ABR: variants seen among roughly 807,000 people sequenced by gnomAD.
The protein encoded by ABR is ABR activator of RhoGEF and GTPase, also known as active breakpoint cluster region-related protein.
Under a neutral mutation model 107.2 loss-of-function variants are expected in ABR, and 35 were observed. The ratio of observed to expected loss-of-function variants is 0.33; its 90% CI spans 0.25 to 0.43. The LOEUF (loss-of-function observed/expected upper bound fraction) is 0.43, where lower values mean the gene tolerates loss of function less well. Among genes scored for constraint, ABR ranks in the 20% least tolerant of loss-of-function variants. The pLI is 1.00. For missense variants in ABR, 815 were observed against 1,115.2 expected, an observed-to-expected ratio of 0.73 and a Z score of 3.83; for synonymous variants, 498 against 462.0, an observed-to-expected ratio of 1.08 and a Z score of -1.00.
At chr17:1,229,145 G>A (rs931645562) in exon 1 of ABR, 7 of 151,554 alleles carry the variant, frequency 4.6e-5, no homozygotes, top group Non-Finnish European at 7.4e-5. Context: ...CCACCATCTC[G>A]AAGTCGTGGT....
chr17:1,182,715 G>A (rs1192272401), upstream of ABR, among the ~76,000 whole-genome samples: 1 of 152,190 alleles, frequency 6.6e-6, no homozygotes, highest in Non-Finnish European at 1.5e-5. Flanking sequence ...CCAGCTAACT[G>A]GTGATCACCG....
At chr17:1,012,410 C>T (rs955995268) in intron 18 of ABR, 4 of 672,154 alleles carry the variant, frequency 6.0e-6, no homozygotes, top group Non-Finnish European at 1.1e-5. Flanking sequence ...CAAACGTAGG[C>T]CCCCGGCTGA....
At chr17:1,032,295 T>C (rs7207353) in intron 16 of ABR, among the ~76,000 whole-genome samples, 2,919 of 152,230 alleles carry the variant, frequency 0.019, 78 homozygotes, top group African/African-American at 0.065. Context: ...CAGAGCCAGC[T>C]TGGTGACCCG....
intron 1 of ABR, among the ~76,000 whole-genome samples, chr17:1,171,421 C>T (rs1333596892): frequency 1.3e-5 from 2 of 152,190 alleles, no homozygotes; most frequent in Non-Finnish European, 2.9e-5. Flanking sequence ...CTAGGCAGCA[C>T]CAGCTCCACC....
At chr17:1,053,929 T>C (rs541150014) in intron 14 of ABR, among the ~76,000 whole-genome samples, 3 of 152,248 alleles carry the variant, frequency 2.0e-5, no homozygotes, top group African/African-American at 7.2e-5. Flanking sequence ...AAGGGAGGTC[T>C]GTGGGTCTGG....
At chr17:1,059,003 G>A in intron 10 of ABR, 136 bp from the exon 11 acceptor site, 1 of 1,325,720 alleles carries the variant, frequency 7.5e-7, no homozygotes. Context: ...ACATCTTGTG[G>A]CAGGAGAGGC....
Position 1,077,606 on chromosome 17 carries a change from T to C in ABR, c.700+1724A>G, listed in dbSNP as rs117695024. 8.7e-4 allele frequency among the ~76,000 whole-genome samples: 132 copies of C among 152,262 alleles called. 1 individual carries two copies. The highest frequency in any genetic ancestry group is 1.7e-3 in the Admixed American group (26 of 15,298). On this transcript the variant is annotated intron_variant, in intron 6 of 22. Transcript: ENST00000302538. ...GGGTCCTGAGAAGGTCAGGGGGCACTGGCCCCACACAGCCCCTCCAGCACA... is the reference window on the plus strand; with the variant it reads ...GGGTCCTGAGAAGGTCAGGGGGCACCGGCCCCACACAGCCCCTCCAGCACA...
intron 11 of ABR, 91 bp from the exon 12 acceptor site, chr17:1,058,136 C>CTTTTTTTTTTTTTTTTTTTTTTTTTT (rs71148422): frequency 3.5e-6 from 1 of 287,810 alleles, no homozygotes; most frequent in African/African-American, 2.9e-5. Context: ...CTCCTTTTAT[C>CTTTTTTTTTTTTTTTTTTTTTTTTTT]TTTTTTTTTT....
intron 6 of ABR, chr17:1,079,045 A>AAGGGGAAGGGGAGG: frequency 6.8e-6 from 9 of 1,314,470 alleles, no homozygotes; most frequent in Non-Finnish European, 8.9e-6. Flanking sequence ...GAGAGGAGGG[A>AAGGGGAAGGGGAGG]AGGGGAAGGG....
At chr17:1,159,849 G>A (rs1455591738) in intron 1 of ABR, among the ~76,000 whole-genome samples, 1 of 152,236 alleles carries the variant, frequency 6.6e-6, no homozygotes, top group Non-Finnish European at 1.5e-5. Flanking sequence ...TTGGTCGTGG[G>A]TCCACGATGC....
chr17:1,086,154 C>CA (rs989644000), intron 4 of ABR, among the ~76,000 whole-genome samples: 11 of 151,124 alleles, frequency 7.3e-5, no homozygotes, highest in African/African-American at 1.2e-4. Context: ...CTCAAAAAAA[C>CA]AAAAAAAAGG....
intron 6 of ABR, 95 bp from the exon 7 acceptor site, chr17:1,073,772 C>T: frequency 9.0e-7 from 1 of 1,106,620 alleles, no homozygotes; most frequent in Non-Finnish European, 1.3e-6. Flanking sequence ...CCGCATGCTT[C>T]CCACGTGAAC....
exon 1 of ABR, chr17:1,186,928 T>A (rs908181349): frequency 6.6e-6 from 1 of 152,376 alleles, no homozygotes; most frequent in South Asian, 2.1e-4. Flanking sequence ...CAAGAGCACG[T>A]CCAGCTGGGG....
chr17:1,145,334 A>C (rs2040482014), intron 1 of ABR, among the ~76,000 whole-genome samples: 1 of 152,328 alleles, frequency 6.6e-6, no homozygotes, highest in South Asian at 2.1e-4. Flanking sequence ...TCTAACCCTT[A>C]TTAGAGTTAA....
At position 1,160,282 on chromosome 17, in the gene ABR, C is replaced by CCACA. The variant is rs112524650; in HGVS notation, c.61+19381_61+19384dup. 3.4e-3 allele frequency among the ~76,000 whole-genome samples: 507 copies of CCACA among 148,806 alleles called. 3 individuals are homozygous for CCACA. Among genetic ancestry groups the CCACA allele is most frequent in the African/African-American group, 5.1e-3 (207 of 40,326 alleles). ...AACAAAAAACAATAACAAAAAAAAA[C>CCACA]CACACACACACACACACACACACAC... On this transcript the variant is annotated intron_variant, in intron 1 of 22. Coordinates refer to ENST00000302538, the MANE Select transcript of ABR (RefSeq NM_021962.5).
At chr17:1,072,024 C>T (rs1033909594) in intron 8 of ABR, among the ~76,000 whole-genome samples, 1 of 152,266 alleles carries the variant, frequency 6.6e-6, no homozygotes, top group Admixed American at 6.5e-5. Context: ...CTGCCTCAGC[C>T]TCCTGAGTAG....
chr17:1,118,068 CTGAGT>C (rs2039122258), intron 2 of ABR, among the ~76,000 whole-genome samples: 1 of 50,754 alleles, frequency 2.0e-5, no homozygotes, highest in Non-Finnish European at 4.5e-5. Flanking sequence ...ATCCCTGAGC[CTGAGT>C]CCTTCCCAGC....
rs772452385 is a variant in ABR, at chr17:1,004,905, G to A, written c.*1175C>T. 5.0e-6 allele frequency: 2 copies of A among 397,738 alleles called. No individual in the cohort carries two copies. The highest frequency in any genetic ancestry group is 8.9e-6 in the Non-Finnish European group (2 of 225,744). 24.6% of individuals were successfully genotyped at this position (397,738 alleles called of 1,614,324 possible). On this transcript the variant is annotated 3_prime_UTR_variant, in exon 23 of 23. Transcript: ENST00000302538. ...GGCAGTGCTTGGCTGTGGAGTGTGTGTAAAATCTAAGGCAAGAGTACCACG... is the reference window on the plus strand; with the variant it reads ...GGCAGTGCTTGGCTGTGGAGTGTGTATAAAATCTAAGGCAAGAGTACCACG...
At chr17:1,194,680 G>A (rs2042513040) in intron 1 of ABR, among the ~76,000 whole-genome samples, 1 of 123,498 alleles carries the variant, frequency 8.1e-6, no homozygotes, top group African/African-American at 2.7e-5. Context: ...TTAAGATGGA[G>A]TCTCGCTCTG....
Sources: allele counts gnomAD v4.1 joint callset (sites outside exome capture counted in the v4.1 genomes callset), GRCh38; gene constraint gnomAD v4.1.1; transcripts MANE v1.5; gene names NCBI Gene and HGNC (gene_info 2026-07-23, HGNC 2026-07-21).